Variants in FHIT observed in about 807,000 individuals in gnomAD.
FHIT encodes the protein bis(5'-adenosyl)-triphosphatase.
A neutral mutation model predicts 17.9 loss-of-function variants in FHIT; 19 were observed. That is an observed-to-expected ratio of 1.06 (90% CI 0.74 to 1.56). The LOEUF is 1.56. Ranked by LOEUF, FHIT falls within the 40% of genes most tolerant of loss-of-function variation. The pLI, the probability that FHIT is intolerant of heterozygous loss-of-function variation, is 0.00. For synonymous variants in FHIT, 81 were observed against 69.7 expected (o/e 1.16, Z -0.81); for missense variants, 248 against 189.2 (o/e 1.31, Z -1.82).
chr3:59,802,729 G>A (rs990400433), intron 8 of FHIT, among the ~76,000 whole-genome samples: 1 of 152,138 alleles, frequency 6.6e-6, no homozygotes, highest in Non-Finnish European at 1.5e-5. Flanking sequence ...TCTTCACATG[G>A]ACACGCGTGA....
intron 3 of FHIT, among the ~76,000 whole-genome samples, chr3:60,998,377 T>C (rs373695877): frequency 6.6e-6 from 1 of 152,366 alleles, no homozygotes; most frequent in African/African-American, 2.4e-5. Flanking sequence ...GGACTTCTAA[T>C]AAACTAGTAG....
At chr3:60,104,805 T>C (rs964439532) in intron 5 of FHIT, among the ~76,000 whole-genome samples, 14 of 152,202 alleles carry the variant, frequency 9.2e-5, no homozygotes, top group African/African-American at 3.4e-4. Flanking sequence ...TCAAATTTAG[T>C]CACTTCAGTC....
At chr3:60,540,601 G>T (rs927500697) in intron 4 of FHIT, among the ~76,000 whole-genome samples, 4 of 152,210 alleles carry the variant, frequency 2.6e-5, no homozygotes, top group Non-Finnish European at 5.9e-5. Flanking sequence ...GGTCACAGTA[G>T]TAGTCTTTGC....
intron 5 of FHIT, among the ~76,000 whole-genome samples, chr3:60,024,625 A>G (rs78169572): frequency 0.016 from 2,403 of 152,304 alleles, 67 homozygotes; most frequent in African/African-American, 0.055. Context: ...CTAGAGGGTG[A>G]GCAGACAAAG....
chr3:59,847,880 G>A (rs1701778990), intron 8 of FHIT, among the ~76,000 whole-genome samples: 1 of 152,148 alleles, frequency 6.6e-6, no homozygotes, highest in Non-Finnish European at 1.5e-5. Context: ...TCCCACATAT[G>A]TAGTTGCTTT....
At chr3:59,915,933 T>C (rs1187620936) in intron 8 of FHIT, among the ~76,000 whole-genome samples, 1 of 46,062 alleles carries the variant, frequency 2.2e-5, no homozygotes, top group African/African-American at 4.2e-5. Flanking sequence ...CCCTGTCTCT[T>C]AGGGAAAAAA....
At chr3:60,515,097 G>A (rs1301264783) in intron 5 of FHIT, among the ~76,000 whole-genome samples, 4 of 152,194 alleles carry the variant, frequency 2.6e-5, no homozygotes, top group East Asian at 3.9e-4. Context: ...AGGCAGGCGC[G>A]GAGTGGTGCC....
At chr3:60,901,702 C>T (rs1292770318) in intron 3 of FHIT, among the ~76,000 whole-genome samples, 1 of 152,126 alleles carries the variant, frequency 6.6e-6, no homozygotes, top group Non-Finnish European at 1.5e-5. Flanking sequence ...ATGTCATTCT[C>T]ATTCACTTGT....
intron 4 of FHIT, among the ~76,000 whole-genome samples, chr3:60,741,400 T>A (rs1328325164): frequency 6.6e-6 from 1 of 152,224 alleles, no homozygotes; most frequent in Non-Finnish European, 1.5e-5. Flanking sequence ...CCTGATCATC[T>A]TCAGCAAGTG....
intron 2 of FHIT, among the ~76,000 whole-genome samples, chr3:61,186,460 C>T (rs1000665535): frequency 1.3e-5 from 2 of 152,224 alleles, no homozygotes; most frequent in Admixed American, 1.3e-4. Context: ...TCTCTATCAT[C>T]CCCTTGAATG....
chr3:60,106,786 G>T (rs907229114), intron 5 of FHIT, among the ~76,000 whole-genome samples: 1 of 152,170 alleles, frequency 6.6e-6, no homozygotes, highest in African/African-American at 2.4e-5. Context: ...GGCAGGAAAC[G>T]TCCAGTATCT....
At chr3:60,869,786 CCACCAT>C in intron 3 of FHIT, among the ~76,000 whole-genome samples, 3 of 152,156 alleles carry the variant, frequency 2.0e-5, no homozygotes, top group Middle Eastern at 6.8e-3. Flanking sequence ...TAAGCAAGGG[CCACCAT>C]CACTGCAAGT....
At chr3:59,958,847 C>G (rs1295462517) in intron 7 of FHIT, among the ~76,000 whole-genome samples, 2 of 150,660 alleles carry the variant, frequency 1.3e-5, no homozygotes, top group East Asian at 3.9e-4. Flanking sequence ...CCTGAGAATC[C>G]CAACTTTCTC....
chr3:60,582,638 G>A (rs938835549), intron 4 of FHIT, among the ~76,000 whole-genome samples: 1 of 151,964 alleles, frequency 6.6e-6, no homozygotes, highest in Non-Finnish European at 1.5e-5. Context: ...AAAAAAATGT[G>A]TATTCTATGT....
At chr3:61,015,449 T>C (rs561314961) in intron 3 of FHIT, among the ~76,000 whole-genome samples, 4 of 152,332 alleles carry the variant, frequency 2.6e-5, no homozygotes, top group African/African-American at 9.6e-5. Context: ...AAATATTCTA[T>C]ATCCTTTTGG....
At chr3:61,157,527 A>G (rs2037567271) in intron 2 of FHIT, among the ~76,000 whole-genome samples, 1 of 152,134 alleles carries the variant, frequency 6.6e-6, no homozygotes, top group South Asian at 2.1e-4. Flanking sequence ...GCATCTTAGT[A>G]AAGGGGAATT....
chr3:60,490,478 C>A (rs1400228185), intron 5 of FHIT, among the ~76,000 whole-genome samples: 1 of 151,954 alleles, frequency 6.6e-6, no homozygotes, highest in East Asian at 1.9e-4. Flanking sequence ...CTCCATTTTA[C>A]AAAAGTGAGA....
intron 1 of FHIT, among the ~76,000 whole-genome samples, chr3:61,240,093 G>A (rs1409351493): frequency 6.6e-6 from 1 of 152,078 alleles, no homozygotes; most frequent in Non-Finnish European, 1.5e-5. Context: ...AGAGGCTAGA[G>A]GAAGCCTTAG....
At chr3:59,902,601 A>G (rs1018144334) in intron 8 of FHIT, among the ~76,000 whole-genome samples, 2 of 152,146 alleles carry the variant, frequency 1.3e-5, no homozygotes, top group African/African-American at 4.8e-5. Context: ...ATGGAATACG[A>G]TTTACTCTTT....
Sources: allele counts gnomAD v4.1 joint callset (sites outside exome capture counted in the v4.1 genomes callset), GRCh38; gene constraint gnomAD v4.1.1; transcripts MANE v1.5; gene names NCBI Gene and HGNC (gene_info 2026-07-23, HGNC 2026-07-21).